KCNH1: variants seen among roughly 807,000 people sequenced by gnomAD.
The protein encoded by KCNH1 is potassium voltage-gated channel subfamily H member 1.
KCNH1 carries 27 observed loss-of-function variants against 69.2 expected under a neutral mutation model. That is an observed-to-expected ratio of 0.39 (90% CI 0.29 to 0.54). The LOEUF (loss-of-function observed/expected upper bound fraction) is 0.54, where lower values mean the gene tolerates loss of function less well. KCNH1 is among the 20% of genes least tolerant of loss of function. KCNH1 has a pLI of 0.68. For synonymous variants in KCNH1, 456 were observed against 487.7 expected, an observed-to-expected ratio of 0.93 and a Z score of 0.86; for missense variants, 798 against 1,261.6, an observed-to-expected ratio of 0.63 and a Z score of 5.57.
chr1:210,952,451 G>T (rs966789623), intron 6 of KCNH1, among the ~76,000 whole-genome samples: 3 of 152,134 alleles, frequency 2.0e-5, no homozygotes, highest in African/African-American at 7.2e-5. Context: ...ATCAAGCCTG[G>T]TCACTTTATG....
At chr1:210,910,529 G>A (rs1483660621) in intron 7 of KCNH1, among the ~76,000 whole-genome samples, 1 of 152,222 alleles carries the variant, frequency 6.6e-6, no homozygotes, top group Non-Finnish European at 1.5e-5. Flanking sequence ...CAGCTCCCAG[G>A]TCCCTGCACC....
At chr1:210,765,361 T>G (rs1389831272) in intron 10 of KCNH1, among the ~76,000 whole-genome samples, 2 of 152,178 alleles carry the variant, frequency 1.3e-5, no homozygotes, top group African/African-American at 4.8e-5. Context: ...AATATACCCA[T>G]GTAACAAACC....
chr1:210,949,995 A>G (rs1401086206), intron 6 of KCNH1, among the ~76,000 whole-genome samples: 8 of 152,236 alleles, frequency 5.3e-5, no homozygotes, highest in Non-Finnish European at 1.2e-4. Flanking sequence ...CTAAAACTAG[A>G]AGCCAGTGAG....
chr1:210,790,008 G>T (rs1684182515), intron 9 of KCNH1, among the ~76,000 whole-genome samples: 1 of 152,164 alleles, frequency 6.6e-6, no homozygotes, highest in African/African-American at 2.4e-5. Flanking sequence ...AAAGTCCTAG[G>T]CTCAAGTGAT....
intron 10 of KCNH1, among the ~76,000 whole-genome samples, chr1:210,751,966 C>A (rs541512515): frequency 2.8e-4 from 43 of 152,040 alleles, no homozygotes; most frequent in African/African-American, 9.9e-4. Flanking sequence ...AGGCTGCAAG[C>A]AGAAAACAGA....
At chr1:210,744,902 T>A (rs1683114451) in intron 10 of KCNH1, among the ~76,000 whole-genome samples, 1 of 151,968 alleles carries the variant, frequency 6.6e-6, no homozygotes, top group Non-Finnish European at 1.5e-5. Flanking sequence ...AGATTACATA[T>A]GTAAAATTAT....
At position 210,906,660 on chromosome 1, in the gene KCNH1, G is replaced by T. The variant is rs1687109052; in HGVS notation, c.1462+12980C>A. Among the ~76,000 whole-genome samples the T allele has an allele frequency of 2.6e-5, 4 of 152,272 alleles. No individual in the cohort carries two copies. The South Asian group carries it at 8.3e-4, about 32-fold the overall frequency. ...ATGGCCTGTCCATAATAAAGTCGGG[G>T]GTTTATGAGCTACATGTGTCACTGA... is the stretch of plus-strand genomic sequence containing the variant. On this transcript the variant is annotated intron_variant, in intron 7 of 10. Transcript: ENST00000271751.
chr1:210,860,582 A>C, intron 7 of KCNH1: 1 of 861,040 alleles, frequency 1.2e-6, no homozygotes, highest in African/African-American at 1.6e-5. Flanking sequence ...CTATTTTCAC[A>C]GATCATTTTC....
intron 6 of KCNH1, among the ~76,000 whole-genome samples, chr1:210,954,548 A>C (rs1459390895): frequency 1.3e-5 from 2 of 152,150 alleles, no homozygotes; most frequent in African/African-American, 4.8e-5. Flanking sequence ...CTATTTCTCC[A>C]CATCCTCTCC....
intron 7 of KCNH1, among the ~76,000 whole-genome samples, chr1:210,862,667 A>T (rs1272716526): frequency 1.3e-5 from 2 of 152,184 alleles, no homozygotes; most frequent in Non-Finnish European, 2.9e-5. Flanking sequence ...GGATTGAAAA[A>T]CAATTCCTTT....
chr1:210,875,696 G>A (rs1170703975), intron 7 of KCNH1, among the ~76,000 whole-genome samples: 2 of 151,874 alleles, frequency 1.3e-5, no homozygotes, highest in Non-Finnish European at 2.9e-5. Flanking sequence ...CCAGCTACTC[G>A]GGAAGCTGAG....
At chr1:211,121,053 T>A (rs1165101145) in intron 1 of KCNH1, among the ~76,000 whole-genome samples, 1 of 152,068 alleles carries the variant, frequency 6.6e-6, no homozygotes, top group African/African-American at 2.4e-5. Flanking sequence ...TGGAAAAAAA[T>A]TCCATCCTCA....
chr1:210,957,084 G>T (rs551335065), intron 6 of KCNH1, among the ~76,000 whole-genome samples: 1 of 152,124 alleles, frequency 6.6e-6, no homozygotes, highest in Non-Finnish European at 1.5e-5. Context: ...CACTGCTTTA[G>T]CTGTGTCCCG....
In KCNH1 at chr1:210,846,915, C is replaced by T. The variant is rs183131907; in HGVS notation, c.1463-42749G>A. The stretch of plus-strand genomic sequence containing the variant: ...TCAAACAACCCCATCAAAAAGTGGG[C>T]GAAGGACATGAACAGACACTTCTCA... On this transcript the variant is annotated intron_variant, in intron 7 of 10. Coordinates refer to ENST00000271751, the MANE Select transcript of KCNH1 (RefSeq NM_172362.3). Among the ~76,000 whole-genome samples, 84 of 152,230 alleles carry T rather than the reference C, an allele frequency of 5.5e-4. 1 individual carries two copies. The South Asian group carries it at 5.8e-3, about 11-fold the overall frequency.
At chr1:210,935,759 C>T (rs770925958) in intron 6 of KCNH1, among the ~76,000 whole-genome samples, 6 of 152,156 alleles carry the variant, frequency 3.9e-5, no homozygotes, top group African/African-American at 7.2e-5. Flanking sequence ...GATGAAGAGA[C>T]AGTGAGAACC....
chr1:210,738,451 G>T (rs1682933629), intron 10 of KCNH1, among the ~76,000 whole-genome samples: 2 of 151,580 alleles, frequency 1.3e-5, no homozygotes, highest in South Asian at 4.2e-4. Flanking sequence ...TCTCTTCTGG[G>T]TCTATGACTC....
intron 7 of KCNH1, among the ~76,000 whole-genome samples, chr1:210,833,245 T>C (rs1685202923): frequency 6.6e-6 from 1 of 152,174 alleles, no homozygotes; most frequent in South Asian, 2.1e-4. Flanking sequence ...ATTATTCAAA[T>C]GCTAAGAATT....
At chr1:210,865,189 A>C (rs921742140) in intron 7 of KCNH1, among the ~76,000 whole-genome samples, 1 of 149,334 alleles carries the variant, frequency 6.7e-6, no homozygotes, top group African/African-American at 2.6e-5. Flanking sequence ...TTCATTTGTC[A>C]AGCTAAACAT....
At chr1:210,725,603 G>A (rs980508304) in intron 10 of KCNH1, among the ~76,000 whole-genome samples, 2 of 152,300 alleles carry the variant, frequency 1.3e-5, no homozygotes, top group Non-Finnish European at 1.5e-5. Context: ...TCTGCACAGA[G>A]GTATGAACGA....
Sources: gnomAD v4.1 joint callset for allele counts (sites outside exome capture counted in the v4.1 genomes callset) on GRCh38, gnomAD v4.1.1 for gene constraint, MANE v1.5 for transcripts, NCBI Gene and HGNC (gene_info 2026-07-23, HGNC 2026-07-21) for gene names.